ELF1: variants seen among roughly 807,000 people sequenced by gnomAD.
ELF1 encodes the protein E74 like ETS transcription factor 1, also known as ETS-related transcription factor Elf-1.
In ELF1, 24 loss-of-function variants were observed where a neutral mutation model predicts 59.9. The observed-to-expected ratio is 0.40, with a 90% CI of 0.29 to 0.56. ELF1 has a LOEUF of 0.56. Among genes scored for constraint, ELF1 ranks in the 20% least tolerant of loss-of-function variants. The pLI is 0.44. For missense variants in ELF1, 627 were observed against 742.2 expected, an observed-to-expected ratio of 0.84 and a Z score of 1.80; for synonymous variants, 248 against 266.2, an observed-to-expected ratio of 0.93 and a Z score of 0.67.
intron 1 of ELF1, among the ~76,000 whole-genome samples, chr13:41,052,103 C>G (rs564980767): frequency 2.0e-5 from 3 of 152,096 alleles, no homozygotes; most frequent in Admixed American, 2.0e-4. Context: ...CCATGCCCAG[C>G]TAATTTTTGT....
At chr13:40,950,359 C>A (rs1389417601) in intron 4 of ELF1, among the ~76,000 whole-genome samples, 4 of 152,160 alleles carry the variant, frequency 2.6e-5, no homozygotes, top group Admixed American at 2.6e-4. Flanking sequence ...ATAATCACAA[C>A]CCATCTCTAT....
intron 3 of ELF1, among the ~76,000 whole-genome samples, chr13:40,954,712 G>T (rs1484694299): frequency 6.6e-6 from 1 of 151,926 alleles, no homozygotes; most frequent in East Asian, 1.9e-4. Flanking sequence ...GGCCTCCCGA[G>T]GTGCCGGGAT....
intron 2 of ELF1, among the ~76,000 whole-genome samples, chr13:40,975,461 T>C (rs1872847280): frequency 6.6e-6 from 1 of 152,248 alleles, no homozygotes; most frequent in Non-Finnish European, 1.5e-5. Context: ...CAACCAGATT[T>C]AATAAATGTG....
At chr13:40,972,032 G>A (rs935337131) in intron 2 of ELF1, among the ~76,000 whole-genome samples, 4 of 152,004 alleles carry the variant, frequency 2.6e-5, no homozygotes, top group African/African-American at 9.7e-5. Context: ...TATCAGAGTA[G>A]TCACTACCAG....
At position 40,954,436 on chromosome 13, in the gene ELF1, C is replaced by T. The variant is rs966366242; in HGVS notation, c.254-3000G>A. On this transcript the variant is annotated intron_variant, in intron 3 of 8. Transcript: ENST00000239882. ...AAGTGTGTAGCTCTCCCTCTCCCCA[C>T]GGTCTCCCTCTCCCCACGGTCTCCC... is the stretch of plus-strand genomic sequence containing the variant. 5.8e-3 allele frequency among the ~76,000 whole-genome samples: 858 copies of T among 146,808 alleles called. 10 individuals are homozygous for T. Among genetic ancestry groups the T allele is most frequent in the South Asian group, 0.014 (66 of 4,568 alleles).
At chr13:41,055,520 T>C (rs1262414995) in intron 1 of ELF1, among the ~76,000 whole-genome samples, 1 of 151,836 alleles carries the variant, frequency 6.6e-6, no homozygotes, top group East Asian at 1.9e-4. Context: ...CAAACACTTA[T>C]GACCCCTGGC....
chr13:40,945,741 T>C (rs898242686), intron 5 of ELF1, among the ~76,000 whole-genome samples: 1 of 152,196 alleles, frequency 6.6e-6, no homozygotes, highest in Non-Finnish European at 1.5e-5. Flanking sequence ...TCTGTAACTG[T>C]TTCATATTTT....
chr13:41,011,667 C>T (rs1875070713), intron 1 of ELF1, among the ~76,000 whole-genome samples: 1 of 152,050 alleles, frequency 6.6e-6, no homozygotes, highest in Non-Finnish European at 1.5e-5. Flanking sequence ...TGGTCTCAAA[C>T]TCCTGGGCCC....
chr13:41,035,847 CA>C (rs1566195954), intron 1 of ELF1, among the ~76,000 whole-genome samples: 15 of 145,464 alleles, frequency 1.0e-4, no homozygotes, highest in African/African-American at 3.9e-4. Flanking sequence ...AAAAAAAAAA[CA>C]ACAACAACAA....
chr13:41,043,985 T>TTG (rs1311898581), intron 1 of ELF1, among the ~76,000 whole-genome samples: 1 of 152,230 alleles, frequency 6.6e-6, no homozygotes, highest in Non-Finnish European at 1.5e-5. Context: ...GAGCAGTGGT[T>TTG]TGTAGTTCTC....
At chr13:40,944,783 T>C (rs9285144) in intron 5 of ELF1, among the ~76,000 whole-genome samples, 43,709 of 151,982 alleles carry the variant, frequency 0.29, 8,113 homozygotes, top group Middle Eastern at 0.43. Flanking sequence ...CCAAACATCC[T>C]TGAGGCTGCC....
upstream of ELF1, chr13:41,019,400 A>T (rs1875599312): frequency 1.0e-6 from 1 of 985,376 alleles, no homozygotes; most frequent in Non-Finnish European, 1.2e-6. Context: ...GTTGCTGTGG[A>T]CCCAATTATT....
At chr13:41,037,078 A>G (rs1876411163) in intron 1 of ELF1, among the ~76,000 whole-genome samples, 1 of 152,036 alleles carries the variant, frequency 6.6e-6, no homozygotes, top group African/African-American at 2.4e-5. Flanking sequence ...CGTTGTACAC[A>G]TGTACCCTAG....
At chr13:41,026,594 G>A (rs1785299096) in intron 1 of ELF1, among the ~76,000 whole-genome samples, 1 of 152,158 alleles carries the variant, frequency 6.6e-6, no homozygotes, top group Non-Finnish European at 1.5e-5. Flanking sequence ...GCAAGACCTT[G>A]CCATCAACTG....
intron 5 of ELF1, 41 bp from the exon 6 acceptor site, chr13:40,943,966 A>C: frequency 6.3e-7 from 1 of 1,584,152 alleles, no homozygotes; most frequent in Non-Finnish European, 8.6e-7. Flanking sequence ...TGCCTTCAAA[A>C]GTGAGAGAAA....
intron 1 of ELF1, among the ~76,000 whole-genome samples, chr13:41,034,666 A>G (rs936587463): frequency 6.6e-6 from 1 of 152,208 alleles, no homozygotes; most frequent in African/African-American, 2.4e-5. Flanking sequence ...TATACGACTT[A>G]TTAGCCATAA....
chr13:41,032,754 G>A (rs1876215909), intron 1 of ELF1, among the ~76,000 whole-genome samples: 1 of 151,168 alleles, frequency 6.6e-6, no homozygotes, highest in African/African-American at 2.4e-5. Flanking sequence ...GGAGACCAAA[G>A]CAGAAGATTC....
rs1219672933 is a variant in ELF1 at position 40,954,789 on chromosome 13, G to A, written c.254-3353C>T. Among the ~76,000 whole-genome samples the A allele has an allele frequency of 2.0e-3, 305 of 149,446 alleles. 1 individual carries two copies. The highest frequency in any genetic ancestry group is 7.1e-3 in the African/African-American group (289 of 40,664). ...GGCTGGAGTGCAGTGGCGTGATCTC[G>A]GCTCGCTACAACCTCCACTTCCCAG... On this transcript the variant is annotated intron_variant, in intron 3 of 8. Coordinates refer to ENST00000239882, the MANE Select transcript of ELF1 (RefSeq NM_172373.4).
At chr13:40,996,730 C>G (rs1295408613) in intron 1 of ELF1, among the ~76,000 whole-genome samples, 2 of 152,044 alleles carry the variant, frequency 1.3e-5, no homozygotes, top group African/African-American at 4.8e-5. Context: ...GAAATCTGTA[C>G]TTTCCTCTCA....
Sources: allele counts gnomAD v4.1 joint callset (sites outside exome capture counted in the v4.1 genomes callset), GRCh38; gene constraint gnomAD v4.1.1; transcripts MANE v1.5; gene names NCBI Gene and HGNC (gene_info 2026-07-23, HGNC 2026-07-21).